Variants in EYS observed in about 807,000 individuals in gnomAD.
The protein encoded by EYS is protein eyes shut homolog.
In EYS, 250 loss-of-function variants were observed where a neutral mutation model predicts 282.1. That is an observed-to-expected ratio of 0.89 (90% CI 0.80 to 0.98). EYS has a LOEUF of 0.98. Among genes scored for constraint, EYS ranks in the 50% least tolerant of loss-of-function variants. The pLI is 0.00. For missense variants in EYS, 4,016 were observed against 3,709.0 expected, an observed-to-expected ratio of 1.08 and a Z score of -2.15; for synonymous variants, 1,355 against 1,282.9, an observed-to-expected ratio of 1.06 and a Z score of -1.20.
At chr6:65,541,940 G>A (rs1332547146) in intron 2 of EYS, among the ~76,000 whole-genome samples, 1 of 152,054 alleles carries the variant, frequency 6.6e-6, no homozygotes, top group Non-Finnish European at 1.5e-5. Context: ...ATGATAGAAG[G>A]TTTGATTTTC....
chr6:64,386,018 T>A (rs1772896793), intron 29 of EYS, among the ~76,000 whole-genome samples: 1 of 152,170 alleles, frequency 6.6e-6, no homozygotes, highest in Admixed American at 6.5e-5. Flanking sequence ...CAAAATCAAT[T>A]CAATCAGTTA....
intron 2 of EYS, among the ~76,000 whole-genome samples, chr6:65,590,825 C>T (rs562005394): frequency 6.6e-6 from 1 of 151,504 alleles, no homozygotes; most frequent in South Asian, 2.1e-4. Flanking sequence ...TTTTTTATGG[C>T]TGCATAATAT....
intron 26 of EYS, among the ~76,000 whole-genome samples, chr6:64,540,993 G>A (rs1764680935): frequency 8.5e-5 from 13 of 152,150 alleles, no homozygotes; most frequent in Admixed American, 8.5e-4. Flanking sequence ...TTGCTCCACG[G>A]CGGCTGAGTT....
chr6:65,290,482 T>C (rs1768493603), intron 12 of EYS, among the ~76,000 whole-genome samples: 1 of 151,282 alleles, frequency 6.6e-6, no homozygotes. Context: ...TCTATGACAA[T>C]TATACTTTTA....
chr6:65,029,354 T>C (rs183377143), intron 13 of EYS, among the ~76,000 whole-genome samples: 14 of 152,270 alleles, frequency 9.2e-5, no homozygotes, highest in Middle Eastern at 6.8e-3. Flanking sequence ...TATGTCTATA[T>C]ATTGATATAC....
chr6:65,098,969 G>C (rs1037977495), intron 12 of EYS, among the ~76,000 whole-genome samples: 1 of 150,560 alleles, frequency 6.6e-6, no homozygotes, highest in Non-Finnish European at 1.5e-5. Flanking sequence ...TGTATTTGCA[G>C]AAACACCATC....
At chr6:63,983,955 CCTT>C (rs1767227749) in intron 35 of EYS, among the ~76,000 whole-genome samples, 1 of 151,442 alleles carries the variant, frequency 6.6e-6, no homozygotes, top group South Asian at 2.1e-4. Context: ...TTACCTCTAA[CCTT>C]AGCAATCTAA....
Position 63,758,889 on chromosome 6 carries a change from G to C in EYS, c.8071+3572C>G, listed in dbSNP as rs184582128. On this transcript the variant is annotated intron_variant, in intron 41 of 42. Transcript: ENST00000503581. ...GTCAATCATCTCAGTTTAAAAGAAG[G>C]TGGGCAGACCTGCCTGAGGGGAAGT... Among the ~76,000 whole-genome samples, 41 of 152,118 alleles carry C rather than the reference G, an allele frequency of 2.7e-4. No individual in the cohort carries two copies. The East Asian group carries it at 7.9e-3, about 29-fold the overall frequency.
In EYS at chr6:65,353,584, A is replaced by C; in HGVS notation, c.1333T>G (p.Cys445Gly). Residue 445 changes from cysteine to glycine, a missense_variant, in exon 9 of 43, where the codon TGT becomes GGT. Coordinates refer to ENST00000503581, the MANE Select transcript of EYS (RefSeq NM_001142800.2). ...VCIPGCTKNP[C>G]WFLKNVYLIH... The stretch of plus-strand genomic sequence containing the variant: ...AGGTAAACATTCTTCAAAAACCAAC[A>C]TGGATTTTTTGTGCACCCTGGAATG... 6.2e-7 allele frequency: 1 copy of C among 1,613,150 alleles called. No individual in the cohort carries two copies. Among genetic ancestry groups the C allele is most frequent in the South Asian group, 1.1e-5 (1 of 91,070 alleles).
intron 2 of EYS, among the ~76,000 whole-genome samples, chr6:65,532,666 T>G (rs1481288879): frequency 2.6e-5 from 4 of 152,180 alleles, no homozygotes; most frequent in Non-Finnish European, 5.9e-5. Context: ...TTTCTCACTT[T>G]TGCTGTCCTG....
chr6:65,172,505 T>C (rs192417238), intron 12 of EYS, among the ~76,000 whole-genome samples: 1 of 151,504 alleles, frequency 6.6e-6, no homozygotes, highest in East Asian at 2.0e-4. Flanking sequence ...TTTACCTATT[T>C]ATGTTTAATT....
At chr6:64,860,063 G>T (rs1333279255) in intron 19 of EYS, among the ~76,000 whole-genome samples, 1 of 152,044 alleles carries the variant, frequency 6.6e-6, no homozygotes, top group Non-Finnish European at 1.5e-5. Context: ...AAAACATATT[G>T]TCCCTTTTTT....
intron 12 of EYS, among the ~76,000 whole-genome samples, chr6:65,195,265 C>G (rs1450285118): frequency 6.6e-6 from 1 of 151,862 alleles, no homozygotes. Flanking sequence ...GTTGTTTTTA[C>G]AATTCCATCA....
chr6:65,518,417 C>T (rs1024775116), intron 2 of EYS, among the ~76,000 whole-genome samples: 5 of 152,000 alleles, frequency 3.3e-5, no homozygotes, highest in African/African-American at 9.7e-5. Flanking sequence ...TTGGCAAACA[C>T]AAGGTAAATG....
At chr6:65,035,605 T>C (rs2150146192) in intron 13 of EYS, among the ~76,000 whole-genome samples, 1 of 152,022 alleles carries the variant, frequency 6.6e-6, no homozygotes, top group South Asian at 2.1e-4. Context: ...CAAAAAAAAC[T>C]AGAAATACAG....
intron 22 of EYS, among the ~76,000 whole-genome samples, chr6:64,686,779 A>ACGTG (rs1770131118): frequency 4.3e-5 from 1 of 23,522 alleles, no homozygotes; most frequent in South Asian, 2.1e-3. Context: ...ATATATATAT[A>ACGTG]TATATATATG....
intron 33 of EYS, among the ~76,000 whole-genome samples, chr6:64,018,629 C>G (rs1187872323): frequency 6.6e-6 from 1 of 152,014 alleles, no homozygotes; most frequent in Non-Finnish European, 1.5e-5. Flanking sequence ...TTTCTATATC[C>G]TAATTCTTAG....
At chr6:65,480,454 A>G (rs1225069211) in intron 5 of EYS, among the ~76,000 whole-genome samples, 1 of 152,108 alleles carries the variant, frequency 6.6e-6, no homozygotes, top group Non-Finnish European at 1.5e-5. Context: ...TATTATATTG[A>G]TTTTAGATCA....
At chr6:64,844,104 G>T (rs1319742283) in intron 19 of EYS, among the ~76,000 whole-genome samples, 2 of 152,068 alleles carry the variant, frequency 1.3e-5, no homozygotes, top group Non-Finnish European at 1.5e-5. Flanking sequence ...CAACCATGTG[G>T]AACTGTAAGT....
Sources: gnomAD v4.1 joint callset for allele counts (sites outside exome capture counted in the v4.1 genomes callset) on GRCh38, gnomAD v4.1.1 for gene constraint, MANE v1.5 for transcripts, NCBI Gene and HGNC (gene_info 2026-07-23, HGNC 2026-07-21) for gene names.